Variants in GRM1 observed in about 807,000 individuals in gnomAD.
GRM1 encodes glutamate metabotropic receptor 1.
GRM1 carries 33 observed loss-of-function variants against 90.9 expected under a neutral mutation model. That is an observed-to-expected ratio of 0.36 (90% confidence interval 0.28 to 0.49). GRM1 has a LOEUF of 0.49. Ranked by LOEUF, GRM1 falls within the 20% of genes least tolerant of loss-of-function variation. The pLI, the probability that GRM1 is intolerant of heterozygous loss-of-function variation, is 0.99. For missense variants in GRM1, 1,190 were observed against 1,534.3 expected, an observed-to-expected ratio of 0.78 and a Z score of 3.75; for synonymous variants, 700 against 613.2, an observed-to-expected ratio of 1.14 and a Z score of -2.09.
At chr6:146,231,249 C>T (rs970926040) in intron 2 of GRM1, among the ~76,000 whole-genome samples, 1 of 152,120 alleles carries the variant, frequency 6.6e-6, no homozygotes, top group South Asian at 2.1e-4. Context: ...AAGCTAAGCA[C>T]ACGTGGAGGC....
intron 3 of GRM1, among the ~76,000 whole-genome samples, chr6:146,345,826 G>C (rs1447971350): frequency 2.6e-5 from 4 of 152,206 alleles, no homozygotes; most frequent in African/African-American, 9.6e-5. Flanking sequence ...TCTTACAACA[G>C]TCTAACTTCC....
At chr6:146,124,859 A>T (rs1273081370) in intron 1 of GRM1, among the ~76,000 whole-genome samples, 2 of 152,162 alleles carry the variant, frequency 1.3e-5, no homozygotes, top group African/African-American at 4.8e-5. Context: ...ATTAATAACC[A>T]CAGAGCTCTG....
chr6:146,383,522 T>A (rs1222651517), intron 5 of GRM1, among the ~76,000 whole-genome samples: 1 of 152,134 alleles, frequency 6.6e-6, no homozygotes, highest in Non-Finnish European at 1.5e-5. Context: ...TTTAAATTTC[T>A]TATGCCTATT....
chr6:146,177,615 A>G (rs897062361), intron 2 of GRM1, among the ~76,000 whole-genome samples: 3 of 152,070 alleles, frequency 2.0e-5, no homozygotes, highest in Non-Finnish European at 4.4e-5. Flanking sequence ...AATGAATTGC[A>G]TTCCTTTCTC....
chr6:146,388,469 A>G (rs891983183), intron 6 of GRM1, among the ~76,000 whole-genome samples: 2 of 152,106 alleles, frequency 1.3e-5, no homozygotes, highest in Non-Finnish European at 2.9e-5. Context: ...AAGTAGAACT[A>G]GGTCACGTAA....
intron 1 of GRM1, among the ~76,000 whole-genome samples, chr6:146,120,367 A>G (rs2128876967): frequency 6.6e-6 from 1 of 152,296 alleles, no homozygotes; most frequent in Non-Finnish European, 1.5e-5. Context: ...TAGATATACA[A>G]TCATGTCATC....
chr6:146,054,227 G>C (rs943106171), intron 1 of GRM1, among the ~76,000 whole-genome samples: 4 of 152,010 alleles, frequency 2.6e-5, no homozygotes, highest in African/African-American at 9.7e-5. Context: ...ACTCTCACAT[G>C]AAAGTATCAG....
At chr6:146,431,637 C>T (rs530063726) in intron 7 of GRM1, among the ~76,000 whole-genome samples, 4 of 152,104 alleles carry the variant, frequency 2.6e-5, no homozygotes, top group South Asian at 2.1e-4. Context: ...TAAATAGATA[C>T]AGGATAACAT....
At chr6:146,394,759 G>A (rs972819208) in intron 6 of GRM1, among the ~76,000 whole-genome samples, 4 of 151,952 alleles carry the variant, frequency 2.6e-5, no homozygotes, top group African/African-American at 9.7e-5. Context: ...TTTCAACAGG[G>A]GAACGCTTAA....
At chr6:146,270,849 T>TTCTCTTTC (rs1275422494) in intron 2 of GRM1, among the ~76,000 whole-genome samples, 12 of 91,752 alleles carry the variant, frequency 1.3e-4, no homozygotes, top group East Asian at 3.8e-4. Flanking sequence ...CTTTCTTTCT[T>TTCTCTTTC]TTTCTTTCTT....
chr6:146,250,953 T>G lies in GRM1; in HGVS notation c.951-53658T>G, dbSNP rs571675986. 3.3e-5 allele frequency among the ~76,000 whole-genome samples: 5 copies of G among 152,334 alleles called. No individual in the cohort carries two copies. In the South Asian group the frequency reaches 1.0e-3, roughly 32 times the overall value. On this transcript the variant is annotated intron_variant, in intron 2 of 7. Coordinates refer to ENST00000282753, the MANE Select transcript of GRM1 (RefSeq NM_001278064.2). ...TTCTAAGGTGACAGATGGGACTATT[T>G]TAGCAAGACAAATGTCTTAAAGAAC...
At chr6:146,101,615 C>T (rs1484853945) in intron 1 of GRM1, among the ~76,000 whole-genome samples, 1 of 152,022 alleles carries the variant, frequency 6.6e-6, no homozygotes, top group Admixed American at 6.6e-5. Context: ...CCAGAGGATC[C>T]TCTCACAATT....
intron 7 of GRM1, among the ~76,000 whole-genome samples, chr6:146,429,367 G>T (rs572906752): frequency 3.3e-5 from 5 of 152,206 alleles, no homozygotes; most frequent in Non-Finnish European, 7.3e-5. Flanking sequence ...CCAAGTTTGA[G>T]AATACATTCT....
chr6:146,225,294 A>C (rs780286041), intron 2 of GRM1, among the ~76,000 whole-genome samples: 4 of 152,112 alleles, frequency 2.6e-5, no homozygotes, highest in Non-Finnish European at 4.4e-5. Flanking sequence ...TATCTTGAGT[A>C]ATCCTGCTGT....
chr6:146,151,204 G>T (rs1304297424), intron 1 of GRM1, among the ~76,000 whole-genome samples: 1 of 152,140 alleles, frequency 6.6e-6, no homozygotes, highest in Non-Finnish European at 1.5e-5. Context: ...GGAATTAAGA[G>T]TGTCTAGAGT....
intron 3 of GRM1, among the ~76,000 whole-genome samples, chr6:146,309,659 T>G (rs949252138): frequency 6.6e-6 from 1 of 152,150 alleles, no homozygotes; most frequent in African/African-American, 2.4e-5. Flanking sequence ...TACTGGCCAT[T>G]CTTATGTTGT....
chr6:146,157,356 G>C (rs531624973), intron 1 of GRM1, among the ~76,000 whole-genome samples: 1 of 152,312 alleles, frequency 6.6e-6, no homozygotes, highest in South Asian at 2.1e-4. Flanking sequence ...GGAGATTATT[G>C]CTGATCTTGA....
intron 3 of GRM1, among the ~76,000 whole-genome samples, chr6:146,317,974 C>A (rs182079043): frequency 1.1e-3 from 173 of 152,252 alleles, no homozygotes; most frequent in African/African-American, 3.8e-3. Flanking sequence ...GAGGGCAAAT[C>A]TTATGGTTGG....
chr6:146,090,794 C>T (rs1776690992), intron 1 of GRM1, among the ~76,000 whole-genome samples: 1 of 152,068 alleles, frequency 6.6e-6, no homozygotes, highest in South Asian at 2.1e-4. Context: ...AGCTTCTAGC[C>T]TCCTTCCCTT....
Sources: gnomAD v4.1 joint callset for allele counts (sites outside exome capture counted in the v4.1 genomes callset) on GRCh38, gnomAD v4.1.1 for gene constraint, MANE v1.5 for transcripts, NCBI Gene and HGNC (gene_info 2026-07-23, HGNC 2026-07-21) for gene names.